Variants in LUM observed in about 807,000 individuals in gnomAD.
LUM encodes lumican, also known as KSPG lumican.
LUM carries 13 observed loss-of-function variants against 20.5 expected under a neutral mutation model. The ratio of observed to expected loss-of-function variants is 0.63; its 90% CI spans 0.41 to 1.01. The LOEUF (loss-of-function observed/expected upper bound fraction) is 1.01, where lower values mean the gene tolerates loss of function less well. Ranked by LOEUF, LUM falls within the 50% of genes least tolerant of loss-of-function variation. The pLI, the probability that LUM is intolerant of heterozygous loss-of-function variation, is 0.00. For synonymous variants in LUM, 173 were observed against 151.5 expected (o/e 1.14, Z -1.04); for missense variants, 321 against 391.1 (o/e 0.82, Z 1.51).
At chr12:91,107,309 GAAAGA>G (rs1880094553) in intron 2 of LUM, among the ~76,000 whole-genome samples, 1 of 113,930 alleles carries the variant, frequency 8.8e-6, no homozygotes, top group South Asian at 3.1e-4. Flanking sequence ...AAGAAAGAAA[GAAAGA>G]AAGAAAGAAA....
intron 1 of LUM, among the ~76,000 whole-genome samples, chr12:91,110,814 C>G (rs1162140788): frequency 6.6e-6 from 1 of 152,104 alleles, no homozygotes. Context: ...AGAGAAAATG[C>G]TGTTTTCAAA....
chr12:91,105,641 T>C (rs1880013667), intron 2 of LUM, among the ~76,000 whole-genome samples: 1 of 152,186 alleles, frequency 6.6e-6, no homozygotes, highest in African/African-American at 2.4e-5. Context: ...GGAGAATACC[T>C]GACTAAATGT....
At chr12:91,106,711 A>AAAAAAAAAC (rs398020575) in intron 2 of LUM, among the ~76,000 whole-genome samples, 23 of 147,128 alleles carry the variant, frequency 1.6e-4, no homozygotes, top group East Asian at 1.2e-3. Context: ...AAAAAAAAAA[A>AAAAAAAAAC]GATGTTAGAA....
intron 2 of LUM, 92 bp from the exon 3 acceptor site, chr12:91,104,411 G>A (rs1165770425): frequency 4.7e-6 from 4 of 851,388 alleles, no homozygotes; most frequent in Non-Finnish European, 3.6e-6. Context: ...TTATAAAATA[G>A]GACCTCTTCC....
chr12:91,107,839 C>T (rs1236603531), intron 2 of LUM, among the ~76,000 whole-genome samples: 1 of 152,012 alleles, frequency 6.6e-6, no homozygotes, highest in East Asian at 1.9e-4. Flanking sequence ...GCTCAGCCTC[C>T]TGAGTAGCTG....
chr12:91,106,856 A>T (rs1237286936), intron 2 of LUM, among the ~76,000 whole-genome samples: 1 of 152,048 alleles, frequency 6.6e-6, no homozygotes, highest in African/African-American at 2.4e-5. Context: ...AGTCCCAAGT[A>T]GTTGATGTCA....
chr12:91,109,807 G>A (rs1880162476), intron 1 of LUM, among the ~76,000 whole-genome samples: 1 of 152,158 alleles, frequency 6.6e-6, no homozygotes, highest in Non-Finnish European at 1.5e-5. Context: ...TTCAATTAGA[G>A]TTATAGTCTC....
chr12:91,108,268 G>A lies in LUM; in HGVS notation c.712C>T (p.His238Tyr). The stretch of plus-strand genomic sequence containing the variant: ...ATTCCACTATCAGCCAGTTCGTTGT[G>A]AGATAAACGCAGATACTGCAATGCA... Reference protein sequence around the residue: ...FNALQYLRLSHNELADSGIPG... With the variant: ...FNALQYLRLSYNELADSGIPG... The change falls in exon 2 of 3, where the codon CAC becomes TAC. Residue 238 changes from histidine (H) to tyrosine (Y), a missense_variant. Physicochemically the swap from His to Tyr is moderately conservative, Grantham distance 83. Transcript: ENST00000266718. The surrounding 1 kb of genome is among the most constrained non-coding windows in gnomAD (Gnocchi z 4.2). 1 of 1,614,156 alleles carries A rather than the reference G, an allele frequency of 6.2e-7. No individual in the cohort carries two copies. The highest frequency in any genetic ancestry group is 2.2e-5 in the East Asian group (1 of 44,878).
rs766397086 is a variant in LUM at position 91,104,257 on chromosome 12, A to C, written c.925T>G (p.Leu309Val). Reference protein sequence around the residue: ...GPLSYSKIKHLRLDGNRISET... With the variant: ...GPLSYSKIKHVRLDGNRISET... ...GAGATGCGATTGCCATCCAAACGCA[A>C]ATGCTTGATCTTGGAGTAGGATAAT... The change falls in exon 3 of 3, where the codon TTG (leucine) becomes GTG (valine). Residue 309 changes from leucine to valine, a missense_variant. Transcript: ENST00000266718. 6.2e-7 allele frequency: 1 copy of C among 1,612,976 alleles called. No individual in the cohort carries two copies. Among genetic ancestry groups the C allele is most frequent in the Non-Finnish European group, 8.5e-7 (1 of 1,179,198 alleles).
In LUM at chr12:91,103,600, A is replaced by G. The variant is rs1879959846; in HGVS notation, c.*565T>C. 6.6e-6 allele frequency: 1 copy of G among 152,186 alleles called. No homozygotes were observed. Among genetic ancestry groups the G allele is most frequent in the Non-Finnish European group, 1.5e-5 (1 of 67,996 alleles). The allele number at this position is 152,186 out of a possible 1,614,324, so 9.4% of individuals were successfully genotyped here. A position where few individuals can be genotyped will look rare whatever the true frequency, so the allele number is the denominator to read the frequency against. The stretch of plus-strand genomic sequence containing the variant: ...GTAGCTTATTAAACATAACATGCAA[A>G]TAATCAAAGAGAAACATACATGACT... On this transcript the variant is annotated 3_prime_UTR_variant, in exon 3 of 3. Transcript: ENST00000266718.
At chr12:91,107,073 G>A (rs1020225011) in intron 2 of LUM, among the ~76,000 whole-genome samples, 1 of 150,462 alleles carries the variant, frequency 6.6e-6, no homozygotes, top group African/African-American at 2.5e-5. Context: ...CTGAGCCTGG[G>A]GGGTGGAGGT....
chr12:91,108,252 T>G lies in LUM; in HGVS notation c.728A>C (p.Asp243Ala). ...GAAAGAATTTCCAGGTATTCCACTA[T>G]CAGCCAGTTCGTTGTGAGATAAACG... Reference protein sequence around the residue: ...YLRLSHNELADSGIPGNSFNV... With the variant: ...YLRLSHNELAASGIPGNSFNV... The change falls in exon 2 of 3, where the codon GAT becomes GCT. Residue 243 changes from aspartate to alanine, a missense_variant. Transcript: ENST00000266718. This position sits in a 1 kb window ranked among gnomAD's most constrained non-coding sequence, Gnocchi z 4.2. 6.2e-6 allele frequency: 10 copies of G among 1,614,144 alleles called. No individual in the cohort carries two copies. Among genetic ancestry groups the G allele is most frequent in the Non-Finnish European group, 8.5e-6 (10 of 1,180,006 alleles).
At chr12:91,107,393 G>A (rs1880105475) in intron 2 of LUM, among the ~76,000 whole-genome samples, 1 of 143,712 alleles carries the variant, frequency 7.0e-6, no homozygotes, top group South Asian at 2.5e-4. Context: ...GGGAGGGAGG[G>A]AGGGACAATA....
chr12:91,107,279 GAAAGAAAGAGAAAGAA>G (rs1193546989), intron 2 of LUM, among the ~76,000 whole-genome samples: 31 of 97,690 alleles, frequency 3.2e-4, no homozygotes, highest in South Asian at 1.1e-3. Context: ...AAGAAAGAAA[GAAAGAAAGAGAAAGAA>G]AGAAAGAAAG....
intron 1 of LUM, among the ~76,000 whole-genome samples, chr12:91,110,036 A>G (rs965179327): frequency 6.6e-6 from 1 of 152,168 alleles, no homozygotes; most frequent in Non-Finnish European, 1.5e-5. Context: ...TCATAGGAAC[A>G]TGTTTCTAAG....
chr12:91,103,570 T>C lies in LUM; in HGVS notation c.*595A>G, dbSNP rs1409800890. 6.6e-6 allele frequency: 1 copy of C among 152,162 alleles called. No homozygotes were observed. The highest frequency in any genetic ancestry group is 1.5e-5 in the Non-Finnish European group (1 of 67,986). The allele number at this position is 152,162 out of a possible 1,614,324, so 9.4% of individuals were successfully genotyped here. Reference sequence around the variant, plus strand: ...TGATGCCATTTGCTATGTTTTATTTTGCTAGTAGCTTATTAAACATAACAT... The same window carrying C: ...TGATGCCATTTGCTATGTTTTATTTCGCTAGTAGCTTATTAAACATAACAT... On this transcript the variant is annotated 3_prime_UTR_variant, in exon 3 of 3. Coordinates refer to ENST00000266718, the MANE Select transcript of LUM (RefSeq NM_002345.4).
intron 1 of LUM, among the ~76,000 whole-genome samples, chr12:91,110,896 A>G (rs984359457): frequency 6.6e-6 from 1 of 152,170 alleles, no homozygotes; most frequent in African/African-American, 2.4e-5. Context: ...CAAATTTTTT[A>G]AATTAACAAA....
In LUM at chr12:91,102,938, C is replaced by G. The variant is rs1252314696; in HGVS notation, c.*1227G>C. On this transcript the variant is annotated 3_prime_UTR_variant, in exon 3 of 3. Transcript: ENST00000266718. ...AGACACATATTTGACTATATATACA[C>G]TGGTATGGGATGAGCAGACCTTTGT... The G allele has an allele frequency of 3.9e-5, 6 of 152,042 alleles. No homozygotes were observed. Among genetic ancestry groups the G allele is most frequent in the Admixed American group, 3.9e-4 (6 of 15,232 alleles). The allele number at this position is 152,042 out of a possible 1,614,324, so 9.4% of individuals were successfully genotyped here.
Position 91,108,079 on chromosome 12 carries a change from T to C in LUM, c.862+39A>G. 1.9e-6 allele frequency: 3 copies of C among 1,609,676 alleles called. No homozygotes were observed. Among genetic ancestry groups the C allele is most frequent in the Non-Finnish European group, 1.7e-6 (2 of 1,176,430 alleles). ...TTGTGCAGCCCAGGTATTTAAACACTTGAGCACACATCAAACACAGGAACA... is the reference window on the plus strand; with the variant it reads ...TTGTGCAGCCCAGGTATTTAAACACCTGAGCACACATCAAACACAGGAACA... On this transcript the variant is annotated intron_variant, in intron 2 of 2. Coordinates refer to ENST00000266718, the MANE Select transcript of LUM (RefSeq NM_002345.4). This position sits in a 1 kb window ranked among gnomAD's most constrained non-coding sequence, Gnocchi z 4.2.
Sources: gnomAD v4.1 joint callset for allele counts (sites outside exome capture counted in the v4.1 genomes callset) on GRCh38, gnomAD v4.1.1 for gene constraint, Gnocchi (gnomAD v3.1) non-coding constraint, MANE v1.5 for transcripts, NCBI Gene and HGNC (gene_info 2026-07-23, HGNC 2026-07-21) for gene names.